INPP5D: variants seen among roughly 807,000 people sequenced by gnomAD.
The protein encoded by INPP5D is phosphatidylinositol 3,4,5-trisphosphate 5-phosphatase 1.
INPP5D carries 33 observed loss-of-function variants against 122.9 expected under a neutral mutation model. The observed-to-expected ratio is 0.27, with a 90% CI of 0.20 to 0.36. INPP5D has a LOEUF of 0.36. Among genes scored for constraint, INPP5D ranks in the 10% least tolerant of loss-of-function variants. INPP5D has a pLI of 1.00. For synonymous variants in INPP5D, 584 were observed against 576.2 expected (o/e 1.01, Z -0.19); for missense variants, 1,053 against 1,412.7 (o/e 0.75, Z 4.08).
At chr2:233,168,697 T>G (rs1694409893) in intron 13 of INPP5D, 1 of 152,236 alleles carries the variant, frequency 6.6e-6, no homozygotes, top group African/African-American at 2.4e-5. Context: ...TAGCTGGCAG[T>G]GAGCCAGCAT....
intron 2 of INPP5D, among the ~76,000 whole-genome samples, chr2:233,121,749 C>T (rs905634878): frequency 1.2e-4 from 18 of 152,180 alleles, no homozygotes; most frequent in African/African-American, 4.1e-4. Context: ...TGGTCTCAAA[C>T]TCCTGACCTC....
intron 2 of INPP5D, among the ~76,000 whole-genome samples, chr2:233,101,355 C>A (rs1692306264): frequency 6.6e-6 from 1 of 152,064 alleles, no homozygotes; most frequent in Non-Finnish European, 1.5e-5. Flanking sequence ...GTGTTATCAG[C>A]TCACATCTGC....
chr2:233,177,435 G>A lies in INPP5D; in HGVS notation c.2071+89G>A. 6.2e-7 allele frequency: 1 copy of A among 1,600,402 alleles called. No individual in the cohort carries two copies. Among genetic ancestry groups the A allele is most frequent in the Non-Finnish European group, 8.5e-7 (1 of 1,170,302 alleles). On this transcript the variant is annotated intron_variant, in intron 18 of 26. Transcript: ENST00000445964. The surrounding 1 kb of genome is among the most constrained non-coding windows in gnomAD (Gnocchi z 4.2). The stretch of plus-strand genomic sequence containing the variant: ...ACTGCCCTAAAATCTAAGGGCTTCA[G>A]TCTGTTGATGTGTCAAAGGGAGGAA...
At chr2:233,131,564 G>A (rs1398492574) in intron 5 of INPP5D, among the ~76,000 whole-genome samples, 1 of 151,844 alleles carries the variant, frequency 6.6e-6, no homozygotes, top group East Asian at 1.9e-4. Context: ...GCTGGATGTG[G>A]TGGCACACAC....
chr2:233,086,576 G>A (rs538796326), intron 2 of INPP5D, among the ~76,000 whole-genome samples: 8 of 152,136 alleles, frequency 5.3e-5, no homozygotes, highest in Admixed American at 1.3e-4. Context: ...GCTGGCGAGT[G>A]AGGCCAACAC....
intron 6 of INPP5D, among the ~76,000 whole-genome samples, chr2:233,142,232 A>G (rs1033923424): frequency 6.6e-6 from 1 of 152,142 alleles, no homozygotes; most frequent in African/African-American, 2.4e-5. Flanking sequence ...CCTCCCCTTT[A>G]TGAGACCCTG....
At chr2:233,073,282 A>G (rs1691429169) in intron 1 of INPP5D, among the ~76,000 whole-genome samples, 1 of 152,116 alleles carries the variant, frequency 6.6e-6, no homozygotes, top group South Asian at 2.1e-4. Context: ...TTAATCTCCT[A>G]CTTTTCAAGT....
intron 18 of INPP5D, among the ~76,000 whole-genome samples, chr2:233,178,524 C>G (rs1471574757): frequency 6.6e-6 from 1 of 150,920 alleles, no homozygotes; most frequent in Non-Finnish European, 1.5e-5. Flanking sequence ...TCTCAGTCGC[C>G]CAGGCTGGAG....
intron 2 of INPP5D, among the ~76,000 whole-genome samples, chr2:233,081,412 G>A (rs747141006): frequency 6.6e-6 from 1 of 152,110 alleles, no homozygotes; most frequent in Non-Finnish European, 1.5e-5. Context: ...TTTTCCCTTT[G>A]TGGTTTCTTC....
At chr2:233,131,691 C>T (rs10173878) in intron 5 of INPP5D, among the ~76,000 whole-genome samples, 5,866 of 152,230 alleles carry the variant, frequency 0.039, 133 homozygotes, top group African/African-American at 0.055. Flanking sequence ...CAGAGCAAGA[C>T]TCCGTCTCAA....
At chr2:233,066,777 T>G (rs1177340948) in intron 1 of INPP5D, among the ~76,000 whole-genome samples, 1 of 151,386 alleles carries the variant, frequency 6.6e-6, no homozygotes, top group African/African-American at 2.4e-5. Context: ...CGGCTAATTT[T>G]TTTTTTTCTT....
chr2:233,124,597 C>A (rs1218533614), intron 3 of INPP5D, among the ~76,000 whole-genome samples: 1 of 152,194 alleles, frequency 6.6e-6, no homozygotes, highest in East Asian at 1.9e-4. Flanking sequence ...CAGCACCGCG[C>A]CCTGGCTGCA....
intron 1 of INPP5D, among the ~76,000 whole-genome samples, chr2:233,077,572 T>C (rs980546780): frequency 1.6e-4 from 24 of 148,382 alleles, no homozygotes; most frequent in Admixed American, 4.2e-4. Context: ...GGCAGGATAA[T>C]TGCTTGAACC....
At chr2:233,122,015 C>T (rs1482694261) in intron 2 of INPP5D, 92 bp from the exon 3 acceptor site, 19 of 1,453,864 alleles carry the variant, frequency 1.3e-5, no homozygotes, top group African/African-American at 8.3e-5. Flanking sequence ...TCACTCCCTC[C>T]GCCTCGCTGG....
chr2:233,185,719 A>T lies in INPP5D; in HGVS notation c.2276-124A>T. 3.8e-5 allele frequency: 38 copies of T among 993,800 alleles called. No homozygotes were observed. In the African/African-American group the frequency reaches 5.2e-4, roughly 14 times the overall value. The allele number at this position is 993,800 out of a possible 1,614,324, so 61.6% of individuals were successfully genotyped here. A position where few individuals can be genotyped will look rare whatever the true frequency, so the allele number is the denominator to read the frequency against. On this transcript the variant is annotated intron_variant, in intron 20 of 26. Transcript: ENST00000445964. ...ATGATGCTGAGGCCCCGAGATAAAA[A>T]AAAAAAAAAAAAAAAAAAGGAGAGA... is the stretch of plus-strand genomic sequence containing the variant.
intron 10 of INPP5D, among the ~76,000 whole-genome samples, chr2:233,159,422 A>G (rs67498812): frequency 0.35 from 53,116 of 152,022 alleles, 11,516 homozygotes; most frequent in Non-Finnish European, 0.49. Flanking sequence ...GGCCAGGCAC[A>G]GTGGGTGCCT....
In INPP5D at chr2:233,128,643, A is replaced by C. The variant is rs1693235211; in HGVS notation, c.525-1865A>C. Among the ~76,000 whole-genome samples the C allele has an allele frequency of 6.6e-6, 1 of 152,024 alleles. No homozygotes were observed. Among genetic ancestry groups the C allele is most frequent in the Admixed American group, 6.5e-5 (1 of 15,272 alleles). On this transcript the variant is annotated intron_variant, in intron 4 of 26. Transcript: ENST00000445964. This position sits in a 1 kb window ranked among gnomAD's most constrained non-coding sequence, Gnocchi z 4.5. ...CAAACGCACGCCACCACGCCCAGCTAATTTTTGTATTTTTAGTAGAGACAG... is the reference window on the plus strand; with the variant it reads ...CAAACGCACGCCACCACGCCCAGCTCATTTTTGTATTTTTAGTAGAGACAG...
At position 233,100,695 on chromosome 2, in the gene INPP5D, C is replaced by T. The variant is rs988265128; in HGVS notation, c.198+21297C>T. On this transcript the variant is annotated intron_variant, in intron 2 of 26. Coordinates refer to ENST00000445964, the MANE Select transcript of INPP5D (RefSeq NM_001017915.3). This position sits in a 1 kb window ranked among gnomAD's most constrained non-coding sequence, Gnocchi z 5.3. ...TGTTTTCTGCCTTGGGGTTTGGTCC[C>T]AGTTCCTCAGAGCAGTGACTTTCAG... Among the ~76,000 whole-genome samples, 1 of 152,202 alleles carries T rather than the reference C, an allele frequency of 6.6e-6. No individual in the cohort carries two copies. Among genetic ancestry groups the T allele is most frequent in the African/African-American group, 2.4e-5 (1 of 41,460 alleles).
chr2:233,113,826 A>T (rs921031328), intron 2 of INPP5D, among the ~76,000 whole-genome samples: 7 of 151,826 alleles, frequency 4.6e-5, no homozygotes, highest in Non-Finnish European at 7.4e-5. Context: ...ACCGTAGCCG[A>T]GGTGATAGTT....
Sources: gnomAD v4.1 joint callset for allele counts (sites outside exome capture counted in the v4.1 genomes callset) on GRCh38, gnomAD v4.1.1 for gene constraint, Gnocchi (gnomAD v3.1) non-coding constraint, MANE v1.5 for transcripts, NCBI Gene and HGNC (gene_info 2026-07-23, HGNC 2026-07-21) for gene names.